The following TASP1 variants were observed in gnomAD, a reference collection of about 807,000 sequenced individuals.
The protein encoded by TASP1 is threonine aspartase 1.
In TASP1, 16 loss-of-function variants were observed where a neutral mutation model predicts 56.6. The observed-to-expected ratio is 0.28, with a 90% confidence interval of 0.19 to 0.43. The LOEUF is 0.43. TASP1 is among the 20% of genes least tolerant of loss of function. TASP1 has a pLI of 1.00. For missense variants in TASP1, 393 were observed against 511.6 expected, an observed-to-expected ratio of 0.77 and a Z score of 2.24; for synonymous variants, 179 against 184.2, an observed-to-expected ratio of 0.97 and a Z score of 0.23.
chr20:13,181,414 T>C, the TASP1 span, among the ~76,000 whole-genome samples: 1 of 152,306 alleles, frequency 6.6e-6, no homozygotes, highest in African/African-American at 2.4e-5. Flanking sequence ...TCCTTGTCCC[T>C]GGGTCTGATT....
At chr20:13,638,341 G>C (rs963860520) in intron 1 of TASP1, among the ~76,000 whole-genome samples, 2 of 151,894 alleles carry the variant, frequency 1.3e-5, no homozygotes, top group Admixed American at 1.3e-4. Context: ...TCGATTTCCA[G>C]GACATCTCTA....
At chr20:13,478,964 T>G (rs748704775) in intron 11 of TASP1, among the ~76,000 whole-genome samples, 1 of 152,140 alleles carries the variant, frequency 6.6e-6, no homozygotes, top group African/African-American at 2.4e-5. Context: ...GCTATAAAAC[T>G]ATATATACTG....
the TASP1 span, among the ~76,000 whole-genome samples, chr20:13,179,592 T>C: frequency 6.6e-6 from 1 of 152,162 alleles, no homozygotes; most frequent in Non-Finnish European, 1.5e-5. Context: ...CTGAAGATAA[T>C]GGTCAAGACT....
the TASP1 span, among the ~76,000 whole-genome samples, chr20:13,276,090 G>A: frequency 5.3e-5 from 8 of 152,188 alleles, no homozygotes; most frequent in Admixed American, 2.0e-4. Flanking sequence ...GGCAGTTATC[G>A]AGGAAGAAGG....
Position 13,566,564 on chromosome 20 carries a change from A to AG in TASP1, c.568+2942_568+2943insC, listed in dbSNP as rs1295090395. 2.7e-4 allele frequency among the ~76,000 whole-genome samples: 41 copies of AG among 152,156 alleles called. 1 individual carries two copies. The highest frequency in any genetic ancestry group is 6.5e-4 in the Admixed American group (10 of 15,268). On this transcript the variant is annotated intron_variant, in intron 7 of 13. Transcript: ENST00000337743. ...AGTTATAGTGAGGAAGGAAAAAAAA[A>AG]AAAGCAAATACCAAAAGGTTACAGT... is the stretch of plus-strand genomic sequence containing the variant.
At chr20:13,497,154 AT>A (rs1752268110) in intron 10 of TASP1, among the ~76,000 whole-genome samples, 1 of 152,214 alleles carries the variant, frequency 6.6e-6, no homozygotes, top group African/African-American at 2.4e-5. Flanking sequence ...GCTGAAAGAT[AT>A]CCACACCCTG....
chr20:13,283,483 TC>T, the TASP1 span, among the ~76,000 whole-genome samples: 10 of 152,102 alleles, frequency 6.6e-5, no homozygotes, highest in Non-Finnish European at 1.5e-4. Context: ...TTTCTAAAAA[TC>T]CTAGGTGAAA....
chr20:13,392,556 A>G (rs1206557206), intron 13 of TASP1: 1 of 266,930 alleles, frequency 3.7e-6, no homozygotes, highest in African/African-American at 2.3e-5. Context: ...CTGAGTGGGT[A>G]AATGACTGAA....
At chr20:13,544,574 A>G (rs148856053) in intron 8 of TASP1, among the ~76,000 whole-genome samples, 318 of 152,324 alleles carry the variant, frequency 2.1e-3, no homozygotes, top group Non-Finnish European at 3.4e-3. Context: ...CTAATAGGAT[A>G]TGAATTCATT....
At chr20:13,587,415 A>G in intron 4 of TASP1, 45 bp from the exon 5 acceptor site, 2 of 1,512,930 alleles carry the variant, frequency 1.3e-6, no homozygotes, top group Non-Finnish European at 1.8e-6. Context: ...GTCTTAAAAA[A>G]AGTATTAATG....
At chr20:13,247,733 G>C in the TASP1 span, among the ~76,000 whole-genome samples, 1 of 152,124 alleles carries the variant, frequency 6.6e-6, no homozygotes, top group Non-Finnish European at 1.5e-5. Context: ...TAAAGGAGAG[G>C]AAACCTGACC....
At chr20:13,413,879 A>G (rs531518240) in intron 13 of TASP1, among the ~76,000 whole-genome samples, 1 of 152,114 alleles carries the variant, frequency 6.6e-6, no homozygotes, top group Non-Finnish European at 1.5e-5. Context: ...TATTTTTCTG[A>G]CCCACTGAGA....
chr20:13,627,136 CGTTTA>C (rs1334685037), intron 2 of TASP1, among the ~76,000 whole-genome samples: 1 of 151,958 alleles, frequency 6.6e-6, no homozygotes, highest in Non-Finnish European at 1.5e-5. Context: ...GATTAAAAAG[CGTTTA>C]GTTGTTTGAA....
the TASP1 span, among the ~76,000 whole-genome samples, chr20:13,149,873 C>T: frequency 5.9e-5 from 9 of 152,224 alleles, no homozygotes; most frequent in East Asian, 9.7e-4. Flanking sequence ...TATAGGCAAG[C>T]GCAAAGATAA....
chr20:13,135,661 T>A, the TASP1 span, among the ~76,000 whole-genome samples: 1 of 152,368 alleles, frequency 6.6e-6, no homozygotes, highest in Middle Eastern at 3.4e-3. Flanking sequence ...TTTAGAATTT[T>A]TGTGTAACAT....
At chr20:13,320,255 T>G in the TASP1 span, among the ~76,000 whole-genome samples, 1 of 152,166 alleles carries the variant, frequency 6.6e-6, no homozygotes, top group Non-Finnish European at 1.5e-5. Context: ...GAGTGTGAGT[T>G]GAGCAAAAAT....
At chr20:13,236,668 G>A in the TASP1 span, among the ~76,000 whole-genome samples, 9 of 152,268 alleles carry the variant, frequency 5.9e-5, no homozygotes, top group South Asian at 1.5e-3. Context: ...GATACAATGG[G>A]GGTACAGGTA....
intron 10 of TASP1, among the ~76,000 whole-genome samples, chr20:13,491,375 C>T (rs1367351199): frequency 1.3e-5 from 2 of 152,142 alleles, no homozygotes; most frequent in African/African-American, 2.4e-5. Context: ...CCTGCGTTCA[C>T]AATACTTTCT....
At chr20:13,289,385 C>T in the TASP1 span, among the ~76,000 whole-genome samples, 101 of 152,322 alleles carry the variant, frequency 6.6e-4, no homozygotes, top group Non-Finnish European at 9.4e-4. Context: ...TTGCCAAAGG[C>T]TCCCAGGAGC....
Sources: allele counts gnomAD v4.1 joint callset (sites outside exome capture counted in the v4.1 genomes callset), GRCh38; gene constraint gnomAD v4.1.1; transcripts MANE v1.5; gene names NCBI Gene and HGNC (gene_info 2026-07-23, HGNC 2026-07-21).